Variants in NBEAL2 observed in about 807,000 individuals in gnomAD.
NBEAL2 encodes neurobeachin-like protein 2.
In NBEAL2, 160 loss-of-function variants were observed where a neutral mutation model predicts 299.8. The observed-to-expected ratio is 0.53, with a 90% CI of 0.47 to 0.61. The LOEUF is 0.61. Ranked by LOEUF, NBEAL2 falls within the 20% of genes least tolerant of loss-of-function variation. NBEAL2 has a pLI of 0.00. For missense variants in NBEAL2, 3,112 were observed against 3,649.0 expected (o/e 0.85, Z 3.79); for synonymous variants, 1,493 against 1,542.3 (o/e 0.97, Z 0.75).
In NBEAL2 at chr3:47,006,227, A is replaced by G; in HGVS notation, c.6982A>G (p.Ser2328Gly). The change falls in exon 44 of 54, where the codon AGC becomes GGC. Residue 2328 changes from serine (S) to glycine (G), a missense_variant. Transcript: ENST00000450053. ...ACGGAAGGCTCTGGAGGGCATTATCAGCAACTTTGGGCAGACTCCCTGTCA... is the reference window on the plus strand; with the variant it reads ...ACGGAAGGCTCTGGAGGGCATTATCGGCAACTTTGGGCAGACTCCCTGTCA... ...RERKALEGII[S>G]NFGQTPCQLL... The G allele has an allele frequency of 8.7e-6, 14 of 1,613,922 alleles. No individual in the cohort carries two copies. The highest frequency in any genetic ancestry group is 1.1e-5 in the Non-Finnish European group (13 of 1,179,876).
chr3:46,998,221 G>T lies in NBEAL2; in HGVS notation c.3113G>T (p.Arg1038Leu). Residue 1038 changes from arginine to leucine, a missense_variant, in exon 21 of 54, where the codon CGC becomes CTC. Around this residue, in one of 3 missense-constraint regions of NBEAL2, gnomAD observed 2,243 missense variants for 2,538.1 expected, o/e 0.88. Transcript: ENST00000450053. The part of the protein sequence containing the change: ...HLWTLSDFAV[R>L]LGHIQYMSSI... ...TGGACCCTCAGTGACTTCGCCGTGC[G>T]CCTCGGTAGGTGTGAGGACCTGAGC... is the stretch of plus-strand genomic sequence containing the variant. 1 of 1,608,972 alleles carries T rather than the reference G, an allele frequency of 6.2e-7. No homozygotes were observed.
In NBEAL2 at chr3:47,008,547, G is replaced by T; in HGVS notation, c.7906G>T (p.Val2636Phe). Reference sequence around the variant, plus strand: ...CACCTACTCCTTGCACCTGTATTCAGTCAATGGGAAGTTGCGGGCTTCACT... The same window carrying T: ...CACCTACTCCTTGCACCTGTATTCATTCAATGGGAAGTTGCGGGCTTCACT... Reference protein sequence around the residue: ...QVTYSLHLYSVNGKLRASLPL... With the variant: ...QVTYSLHLYSFNGKLRASLPL... Residue 2636 changes from valine to phenylalanine, a missense_variant, in exon 52 of 54, where the codon GTC becomes TTC. By Grantham distance (50) the Val-to-Phe change is conservative. Coordinates refer to ENST00000450053, the MANE Select transcript of NBEAL2 (RefSeq NM_015175.3). The T allele has an allele frequency of 6.2e-7, 1 of 1,613,782 alleles. No individual in the cohort carries two copies. The highest frequency in any genetic ancestry group is 8.5e-7 in the Non-Finnish European group (1 of 1,179,866).
At position 47,005,807 on chromosome 3, in the gene NBEAL2, G is replaced by T; in HGVS notation, c.6761G>T (p.Ser2254Ile). 1 of 1,613,376 alleles carries T rather than the reference G, an allele frequency of 6.2e-7. No individual in the cohort carries two copies. Among genetic ancestry groups the T allele is most frequent in the African/African-American group, 1.3e-5 (1 of 75,028 alleles). ...GATGTGGTGCTACCCCCGTGGGCCA[G>T]CTCTCCTGAGGACTTCATCCAGCAG... ...VGDVVLPPWA[S>I]SPEDFIQQHR... Residue 2254 changes from serine (S) to isoleucine (I), a missense_variant, in exon 42 of 54, where the codon AGC becomes ATC. Physicochemically the swap from Ser to Ile is moderately radical, Grantham distance 142. Coordinates refer to ENST00000450053, the MANE Select transcript of NBEAL2 (RefSeq NM_015175.3).
At chr3:47,008,698 C>G in intron 52 of NBEAL2, 30 bp downstream of exon 52, 1 of 1,611,622 alleles carries the variant, frequency 6.2e-7, no homozygotes. Context: ...GTTCATGGCC[C>G]CTGAAGGTGG....
In NBEAL2 at chr3:46,995,031, G is replaced by A; in HGVS notation, c.1297-1G>A. The A allele has an allele frequency of 2.6e-6, 4 of 1,539,534 alleles. No homozygotes were observed. The highest frequency in any genetic ancestry group is 3.5e-6 in the Non-Finnish European group (4 of 1,135,246). ...GGGACTGTCATTCTCTCCACCCACA[G>A]GCTGTGGAGGGTGACCACAGCATGT... On this transcript the variant is annotated splice_acceptor_variant, in intron 12 of 53. Transcript: ENST00000450053. LOFTEE classifies it high-confidence loss of function.
At position 46,999,392 on chromosome 3, in the gene NBEAL2, C is replaced by G. The variant is rs770826255; in HGVS notation, c.3621C>G (p.Leu1207=). ...GCCTCCGGCTGCGGGAGTGTGGTCT[C>G]CAGGGTCTGGTTGCCTGCTTGCCTG... ...RQRLRLRECG[L]QGLVACLPEG... is the part of the protein sequence containing the mutation. The change falls in exon 25 of 54, where the codon CTC becomes CTG. Residue 1207 remains leucine, a synonymous_variant. Coordinates refer to ENST00000450053, the MANE Select transcript of NBEAL2 (RefSeq NM_015175.3). The G allele has an allele frequency of 6.2e-7, 1 of 1,604,154 alleles. No homozygotes were observed. Among genetic ancestry groups the G allele is most frequent in the Admixed American group, 1.7e-5 (1 of 58,554 alleles).
chr3:46,997,620 C>T lies in NBEAL2; in HGVS notation c.2884C>T (p.Gln962Ter). ...AFLLMLRNFL[Q>*]GHMVNQESLV... ...TCTGCTGATGCTGCGGAACTTCCTT[C>T]AGGGTCACATGGTGAACCAAGAGAG... Residue 962 changes from glutamine (Q) to a stop codon, truncating the protein, a stop_gained, in exon 20 of 54, where the codon CAG becomes TAG. Transcript: ENST00000450053. LOFTEE classifies it high-confidence loss of function. 1 of 1,599,748 alleles carries T rather than the reference C, an allele frequency of 6.3e-7. No homozygotes were observed. Among genetic ancestry groups the T allele is most frequent in the Non-Finnish European group, 8.5e-7 (1 of 1,169,698 alleles).
chr3:47,000,860 C>CA lies in NBEAL2; in HGVS notation c.4306-140dup, dbSNP rs1367329045. ...TACCATTCTTCCAGGCCCTTAGTGC[C>CA]AGGCTCACTGTTAGCCAAATGCTCT... On this transcript the variant is annotated intron_variant, in intron 27 of 53. Coordinates refer to ENST00000450053, the MANE Select transcript of NBEAL2 (RefSeq NM_015175.3). The surrounding 1 kb of genome is among the most constrained non-coding windows in gnomAD (Gnocchi z 4.5). 7.9e-7 allele frequency: 1 copy of CA among 1,272,790 alleles called. No individual in the cohort carries two copies. Among genetic ancestry groups the CA allele is most frequent in the Non-Finnish European group, 1.1e-6 (1 of 921,226 alleles). The allele number at this position is 1,272,790 out of a possible 1,614,324, so 78.8% of individuals were successfully genotyped here. A position where few individuals can be genotyped will look rare whatever the true frequency, so the allele number is the denominator to read the frequency against.
intron 12 of NBEAL2, 37 bp from the exon 13 acceptor site, chr3:46,994,995 A>G: frequency 6.6e-7 from 1 of 1,503,824 alleles, no homozygotes; most frequent in Non-Finnish European, 8.9e-7. Flanking sequence ...ACAGGGTGCC[A>G]CAGCTGACCA....
chr3:46,997,668 G>T lies in NBEAL2; in HGVS notation c.2932G>T (p.Ala978Ser), dbSNP rs893213736. The change falls in exon 20 of 54, where the codon GCC becomes TCC. Residue 978 changes from alanine (A) to serine (S), a missense_variant. Ala to Ser is a moderately conservative substitution (Grantham distance 99). Transcript: ENST00000450053. Reference protein sequence around the residue: ...QESLVQCQGPAIIGALLRKVP... With the variant: ...QESLVQCQGPSIIGALLRKVP... ...GAGCCTGGTGCAGTGCCAGGGGCCTGCCATCATCGGGGCCCTCCTGCGAAA... is the reference window on the plus strand; with the variant it reads ...GAGCCTGGTGCAGTGCCAGGGGCCTTCCATCATCGGGGCCCTCCTGCGAAA... The T allele has an allele frequency of 6.4e-7, 1 of 1,558,310 alleles. No homozygotes were observed. The highest frequency in any genetic ancestry group is 8.7e-7 in the Non-Finnish European group (1 of 1,147,914).
At position 47,004,225 on chromosome 3, in the gene NBEAL2, A is replaced by G; in HGVS notation, c.6030A>G (p.Pro2010=). ...TCCCATGCAAGGTGGGCACGACCCCAGTCTCATCTCCTAGCCAGACTCCCA... is the reference window on the plus strand; with the variant it reads ...TCCCATGCAAGGTGGGCACGACCCCGGTCTCATCTCCTAGCCAGACTCCCA... ...LNFPCKVGTT[P]VSSPSQTPRP... Residue 2010 remains proline (P), a synonymous_variant, in exon 37 of 54, where the codon CCA becomes CCG. Transcript: ENST00000450053. The surrounding 1 kb of genome is among the most constrained non-coding windows in gnomAD (Gnocchi z 5.0). 1 of 1,613,728 alleles carries G rather than the reference A, an allele frequency of 6.2e-7. No individual in the cohort carries two copies. Among genetic ancestry groups the G allele is most frequent in the South Asian group, 1.1e-5 (1 of 91,084 alleles).
chr3:46,995,276 A>G lies in NBEAL2; in HGVS notation c.1541A>G (p.Glu514Gly), dbSNP rs1357379773. 9 of 1,564,580 alleles carry G rather than the reference A, an allele frequency of 5.8e-6. 1 individual carries two copies. The East Asian group carries it at 1.9e-4, about 33-fold the overall frequency. The part of the protein sequence containing the change: ...TGLALEARCQ[E>G]QLLALLQALG... ...CTAGCCCTGGAGGCCCGCTGCCAAG[A>G]GCAGCTGCTGGCACTGCTACAAGCA... Residue 514 changes from glutamate (E) to glycine (G), a missense_variant, in exon 13 of 54, where the codon GAG (glutamate) becomes GGG (glycine). Glu to Gly is a moderately conservative substitution (Grantham distance 98). This residue lies in a region of NBEAL2 where 2,243 missense variants were observed against 2,538.1 expected (regional missense o/e 0.88). Coordinates refer to ENST00000450053, the MANE Select transcript of NBEAL2 (RefSeq NM_015175.3).
At position 46,981,692 on chromosome 3, in the gene NBEAL2, G is replaced by T. The variant is rs143526002; in HGVS notation, c.51+1780G>T. Among the ~76,000 whole-genome samples, 25 of 152,282 alleles carry T rather than the reference G, an allele frequency of 1.6e-4. No individual in the cohort carries two copies. The East Asian group carries it at 4.8e-3, about 30-fold the overall frequency. On this transcript the variant is annotated intron_variant, in intron 1 of 53. Coordinates refer to ENST00000450053, the MANE Select transcript of NBEAL2 (RefSeq NM_015175.3). ...CCATAGCTATGGGCAGGCTCTAGGTGCATGGGCAGGTAAAGGGGGCTTAAA... is the reference window on the plus strand; with the variant it reads ...CCATAGCTATGGGCAGGCTCTAGGTTCATGGGCAGGTAAAGGGGGCTTAAA...
rs199896098 is a variant in NBEAL2 at position 47,007,225 on chromosome 3, C to T, written c.7225-16C>T. ...GCCTCTGCCAGAAACCCACCTCTGC[C>T]CCCTCCTGCCTGCAGGTGACTGTGA... On this transcript the variant is annotated splice_polypyrimidine_tract_variant and intron_variant, in intron 46 of 53. Coordinates refer to ENST00000450053, the MANE Select transcript of NBEAL2 (RefSeq NM_015175.3). The T allele has an allele frequency of 2.7e-4, 434 of 1,610,340 alleles. No homozygotes were observed. In the African/African-American group the frequency reaches 4.8e-3, roughly 18 times the overall value.
chr3:46,991,205 AC>A lies in NBEAL2; in HGVS notation c.557-8del. The A allele has an allele frequency of 2.5e-6, 4 of 1,593,656 alleles. No homozygotes were observed. Among genetic ancestry groups the A allele is most frequent in the Non-Finnish European group, 1.7e-6 (2 of 1,169,074 alleles). ...ACCTTGGTGACATTACCCTGCCCAC[AC>A]CCCCCTACCCAGAGAGCCTACAGAA... On this transcript the variant is annotated splice_polypyrimidine_tract_variant and intron_variant, in intron 6 of 53. Transcript: ENST00000450053. The surrounding 1 kb of genome is among the most constrained non-coding windows in gnomAD (Gnocchi z 6.2).
rs1295540011 is a variant in NBEAL2 at position 46,998,533 on chromosome 3, G to A, written c.3189G>A (p.Gln1063=). Residue 1063 remains glutamine, a synonymous_variant, in exon 22 of 54, where the codon CAG becomes CAA. Coordinates refer to ENST00000450053, the MANE Select transcript of NBEAL2 (RefSeq NM_015175.3). The stretch of plus-strand genomic sequence containing the variant: ...AGCTGCGGAAGAAGTACGGCGTCCA[G>A]TTTATCTTGGATGCTCTGCGCACCC... ...RQKLRKKYGV[Q]FILDALRTHY... is the part of the protein sequence containing the mutation. 6.2e-7 allele frequency: 1 copy of A among 1,612,732 alleles called. No individual in the cohort carries two copies.
chr3:47,009,305 T>G lies in NBEAL2; in HGVS notation c.8250T>G (p.Pro2750=), dbSNP rs765380492. The G allele has an allele frequency of 6.3e-7, 1 of 1,597,666 alleles. No individual in the cohort carries two copies. Among genetic ancestry groups the G allele is most frequent in the Admixed American group, 1.7e-5 (1 of 58,654 alleles). Residue 2750 remains proline, a synonymous_variant, in exon 54 of 54, where the codon CCT becomes CCG. Transcript: ENST00000450053. ...QVSSGETEYN[P]TEAR ...CCTCGGGAGAGACGGAATACAACCC[T>G]ACTGAGGCGCGCTGAACCTGGCCAG...
rs559191659 is a variant in NBEAL2, at chr3:46,999,129, C to T, written c.3543+12C>T. 22 of 1,559,946 alleles carry T rather than the reference C, an allele frequency of 1.4e-5. 1 individual carries two copies. In the South Asian group the frequency reaches 2.3e-4, roughly 17 times the overall value. On this transcript the variant is annotated intron_variant, in intron 24 of 53. Transcript: ENST00000450053. ...ATCGAGTCTGCAAGGTACACCCAGC[C>T]CACCCCCTCCCCTGGCATCCCATTC... is the stretch of plus-strand genomic sequence containing the variant.
At position 46,992,511 on chromosome 3, in the gene NBEAL2, A is replaced by G. The variant is rs1277537408; in HGVS notation, c.1069A>G (p.Ser357Gly). 1 of 1,606,236 alleles carries G rather than the reference A, an allele frequency of 6.2e-7. No homozygotes were observed. Among genetic ancestry groups the G allele is most frequent in the Non-Finnish European group, 8.5e-7 (1 of 1,176,810 alleles). Residue 357 changes from serine (S) to glycine (G), a missense_variant, in exon 10 of 54, where the codon AGT (serine) becomes GGT (glycine). Coordinates refer to ENST00000450053, the MANE Select transcript of NBEAL2 (RefSeq NM_015175.3). ...GTCCCGGGCGCCCCCCGAGGGGGAC[A>G]GTGACCTGGCTACCCGGTTACTGAC... is the stretch of plus-strand genomic sequence containing the variant. ...LQSRAPPEGD[S>G]DLATRLLTEP...
Sources: gnomAD v4.1 joint callset for allele counts (sites outside exome capture counted in the v4.1 genomes callset) on GRCh38, gnomAD v4.1.1 for gene constraint, gnomAD v4.1.1 regional missense constraint, Gnocchi (gnomAD v3.1) non-coding constraint, MANE v1.5 for transcripts, NCBI Gene and HGNC (gene_info 2026-07-23, HGNC 2026-07-21) for gene names.